The following CD3E variants were observed in gnomAD, a reference collection of about 807,000 sequenced individuals.
CD3E encodes the protein CD3 epsilon subunit of T-cell receptor complex, also known as T-cell surface glycoprotein CD3 epsilon chain.
A neutral mutation model predicts 34.7 loss-of-function variants in CD3E; 16 were observed. The ratio of observed to expected loss-of-function variants is 0.46; its 90% CI spans 0.31 to 0.70. The LOEUF (loss-of-function observed/expected upper bound fraction) is 0.70, where lower values mean the gene tolerates loss of function less well. Among genes scored for constraint, CD3E ranks in the 30% least tolerant of loss-of-function variants. The pLI is 0.05. For synonymous variants in CD3E, 70 were observed against 90.8 expected, an observed-to-expected ratio of 0.77 and a Z score of 1.30; for missense variants, 223 against 253.9, an observed-to-expected ratio of 0.88 and a Z score of 0.83.
In CD3E at chr11:118,308,531, C is replaced by T. The variant is rs925626228; in HGVS notation, c.85+90C>T. The T allele has an allele frequency of 2.2e-5, 19 of 849,942 alleles. No individual in the cohort carries two copies. The African/African-American group carries it at 3.1e-4, about 14-fold the overall frequency. The allele number at this position is 849,942 out of a possible 1,614,324, so 52.7% of individuals were successfully genotyped here. The stretch of plus-strand genomic sequence containing the variant: ...CAATCACAGTAACAAACCCTGAGAA[C>T]TAAAACTATTAAAGGGAAAATACAA... On this transcript the variant is annotated intron_variant, in intron 4 of 8. Transcript: ENST00000361763.
At chr11:118,313,909 G>T (rs201734738) in intron 7 of CD3E, 35 bp downstream of exon 7, 22 of 1,610,076 alleles carry the variant, frequency 1.4e-5, no homozygotes, top group Non-Finnish European at 1.8e-5. Context: ...GGAGATTCCT[G>T]CCAAGGGGGA....
intron 2 of CD3E, among the ~76,000 whole-genome samples, chr11:118,305,908 C>G (rs56785719): frequency 0.33 from 50,290 of 151,990 alleles, 8,687 homozygotes; most frequent in East Asian, 0.53. Flanking sequence ...CCGTCTCAGA[C>G]CCACAGCAAC....
At chr11:118,308,254 T>C (rs182523916) in intron 3 of CD3E, among the ~76,000 whole-genome samples, 173 bp from the exon 4 acceptor site, 5 of 152,282 alleles carry the variant, frequency 3.3e-5, no homozygotes, top group South Asian at 2.1e-4. Context: ...TTTTTGTAAA[T>C]AGTCATCAGA....
In CD3E at chr11:118,312,836, G is replaced by A. The variant is rs760138592; in HGVS notation, c.322G>A (p.Ala108Thr). Residue 108 changes from alanine to threonine, a missense_variant, in exon 6 of 9, where the codon GCG (alanine) becomes ACG (threonine). Transcript: ENST00000361763. The part of the protein sequence containing the change: ...CYPRGSKPED[A>T]NFYLYLRARV... ...CCCCAGAGGAAGCAAACCAGAAGAT[G>A]CGAACTTTTATCTCTACCTGAGGGC... The A allele has an allele frequency of 3.7e-6, 6 of 1,614,078 alleles. No individual in the cohort carries two copies. Among genetic ancestry groups the A allele is most frequent in the Non-Finnish European group, 5.1e-6 (6 of 1,180,052 alleles).
chr11:118,313,383 G>A (rs1259565354), intron 6 of CD3E: 2 of 413,552 alleles, frequency 4.8e-6, no homozygotes, highest in South Asian at 2.2e-5. Flanking sequence ...CAACTATATG[G>A]GTTAAGTATC....
chr11:118,315,614 G>A lies in CD3E; in HGVS notation c.*72G>A. ...TCCCCCTGCGACTCCCTGTTTCCTG[G>A]GCTAGTCTTGGACCCCACGAGAGAG... On this transcript the variant is annotated 3_prime_UTR_variant, in exon 9 of 9. Coordinates refer to ENST00000361763, the MANE Select transcript of CD3E (RefSeq NM_000733.4). 4 of 1,287,780 alleles carry A rather than the reference G, an allele frequency of 3.1e-6. No individual in the cohort carries two copies. In the South Asian group the frequency reaches 3.8e-5, roughly 12 times the overall value. 79.8% of individuals were successfully genotyped at this position (1,287,780 alleles called of 1,614,324 possible). A position where few individuals can be genotyped will look rare whatever the true frequency, so the allele number is the denominator to read the frequency against.
At chr11:118,310,352 A>G (rs1948129265) in intron 4 of CD3E, among the ~76,000 whole-genome samples, 1 of 152,004 alleles carries the variant, frequency 6.6e-6, no homozygotes, top group Non-Finnish European at 1.5e-5. Flanking sequence ...TTTAGCTCCC[A>G]CTTCTAAATG....
intron 6 of CD3E, 70 bp from the exon 7 acceptor site, chr11:118,313,637 C>G: frequency 6.9e-7 from 1 of 1,458,692 alleles, no homozygotes; most frequent in Non-Finnish European, 9.6e-7. Flanking sequence ...CATGCACTCC[C>G]TCCTCACCTC....
intron 6 of CD3E, chr11:118,313,404 C>T (rs1278004162): frequency 2.3e-6 from 1 of 439,688 alleles, no homozygotes; most frequent in East Asian, 4.9e-5. Context: ...ATTTTATTCC[C>T]ATGAGTAAAG....
chr11:118,315,809 T>A lies in CD3E; in HGVS notation c.*267T>A, dbSNP rs2134770296. On this transcript the variant is annotated 3_prime_UTR_variant, in exon 9 of 9. Transcript: ENST00000361763. ...GCTGGCCTGCCCTCTTGCCAGGATA[T>A]TTATTTGTGCTATTCACTCCCTTCC... 1.7e-6 allele frequency: 1 copy of A among 587,206 alleles called. No individual in the cohort carries two copies. Among genetic ancestry groups the A allele is most frequent in the African/African-American group, 1.9e-5 (1 of 53,742 alleles). 36.4% of individuals were successfully genotyped at this position (587,206 alleles called of 1,614,324 possible). A position where few individuals can be genotyped will look rare whatever the true frequency, so the allele number is the denominator to read the frequency against.
intron 4 of CD3E, 151 bp downstream of exon 4, chr11:118,308,592 T>C: frequency 1.5e-6 from 1 of 678,066 alleles, no homozygotes; most frequent in Non-Finnish European, 2.7e-6. Context: ...AACTTGCCTG[T>C]ATTTGTTGCT....
At chr11:118,308,804 A>C (rs952719851) in intron 4 of CD3E, among the ~76,000 whole-genome samples, 1 of 152,252 alleles carries the variant, frequency 6.6e-6, no homozygotes, top group South Asian at 2.1e-4. Context: ...ATGAACAAAC[A>C]TATGAACACA....
intron 6 of CD3E, chr11:118,313,158 C>A: frequency 2.2e-6 from 1 of 460,440 alleles, no homozygotes; most frequent in Non-Finnish European, 4.0e-6. Flanking sequence ...AGGTTCATAG[C>A]ACACCAACAT....
chr11:118,312,937 A>AT, intron 6 of CD3E, 71 bp downstream of exon 6: 2 of 1,585,590 alleles, frequency 1.3e-6, no homozygotes, highest in Non-Finnish European at 1.7e-6. Flanking sequence ...ATTCTCAGTG[A>AT]TTTTCCCTAA....
chr11:118,305,444 T>C (rs1277032942), intron 2 of CD3E, among the ~76,000 whole-genome samples: 2 of 152,236 alleles, frequency 1.3e-5, no homozygotes, highest in African/African-American at 4.8e-5. Flanking sequence ...TTTAGTCCTT[T>C]TCAAGTGACC....
chr11:118,313,150 G>T, intron 6 of CD3E: 1 of 471,030 alleles, frequency 2.1e-6, no homozygotes. Context: ...TCACACCCAG[G>T]TTCATAGCAC....
At chr11:118,314,653 G>C (rs1948155759) in intron 8 of CD3E, among the ~76,000 whole-genome samples, 159 bp downstream of exon 8, 1 of 152,032 alleles carries the variant, frequency 6.6e-6, no homozygotes, top group East Asian at 1.9e-4. Flanking sequence ...CGTCCTTCAT[G>C]GTAAAACAGG....
chr11:118,312,141 T>C lies in CD3E; in HGVS notation c.86-12T>C. The C allele has an allele frequency of 1.2e-6, 2 of 1,611,014 alleles. No individual in the cohort carries two copies. The highest frequency in any genetic ancestry group is 2.2e-5 in the East Asian group (1 of 44,866). On this transcript the variant is annotated splice_polypyrimidine_tract_variant and intron_variant, in intron 4 of 8. Transcript: ENST00000361763. ...ATATTTTCTTACTGCTGTTTCCTTT[T>C]TTCATTTTCAGGTGGTATTACACAG...
At chr11:118,314,782 A>G (rs1309113017) in intron 8 of CD3E, among the ~76,000 whole-genome samples, 2 of 152,176 alleles carry the variant, frequency 1.3e-5, no homozygotes, top group Non-Finnish European at 2.9e-5. Flanking sequence ...AATATTATAT[A>G]TGCAAATTCT....
Sources: gnomAD v4.1 joint callset for allele counts (sites outside exome capture counted in the v4.1 genomes callset) on GRCh38, gnomAD v4.1.1 for gene constraint, MANE v1.5 for transcripts, NCBI Gene and HGNC (gene_info 2026-07-23, HGNC 2026-07-21) for gene names.